CHST9: variants seen among roughly 807,000 people sequenced by gnomAD.
The protein encoded by CHST9 is carbohydrate sulfotransferase 9.
In CHST9, 41 loss-of-function variants were observed where a neutral mutation model predicts 44.4. The observed-to-expected ratio is 0.92, with a 90% CI of 0.72 to 1.20. CHST9 has a LOEUF of 1.20. CHST9 is among the 50% of genes most tolerant of loss of function. The pLI, the probability that CHST9 is intolerant of heterozygous loss-of-function variation, is 0.00. For synonymous variants in CHST9, 171 were observed against 178.4 expected (o/e 0.96, Z 0.33); for missense variants, 504 against 516.5 (o/e 0.98, Z 0.23).
intron 1 of CHST9, among the ~76,000 whole-genome samples, chr18:27,162,813 G>A (rs943724335): frequency 2.6e-5 from 4 of 152,148 alleles, no homozygotes; most frequent in Admixed American, 1.3e-4. Flanking sequence ...CTCTCAAGTC[G>A]TCAAAGTCAT....
intron 2 of CHST9, among the ~76,000 whole-genome samples, chr18:27,123,055 G>A (rs1460485119): frequency 6.6e-6 from 1 of 152,154 alleles, no homozygotes; most frequent in Non-Finnish European, 1.5e-5. Flanking sequence ...TTCCCTCTCT[G>A]AAATATATAT....
At chr18:27,181,911 T>C (rs1380745322) in intron 1 of CHST9, among the ~76,000 whole-genome samples, 2 of 152,216 alleles carry the variant, frequency 1.3e-5, no homozygotes, top group African/African-American at 4.8e-5. Context: ...CTGGGCAGTC[T>C]GCCCATCTTC....
intron 4 of CHST9, among the ~76,000 whole-genome samples, chr18:26,945,665 C>T (rs1053604057): frequency 3.3e-5 from 5 of 152,048 alleles, no homozygotes; most frequent in African/African-American, 1.2e-4. Flanking sequence ...GCCATTTACT[C>T]GTTGAAGGAT....
intron 5 of CHST9, among the ~76,000 whole-genome samples, chr18:26,943,528 A>C (rs1291578729): frequency 4.6e-5 from 7 of 152,344 alleles, no homozygotes; most frequent in Admixed American, 3.9e-4. Context: ...ATTGAAAGGA[A>C]AAAAGAAGGA....
At chr18:26,918,917 T>G (rs183797451) in intron 5 of CHST9, among the ~76,000 whole-genome samples, 390 of 152,142 alleles carry the variant, frequency 2.6e-3, no homozygotes, top group South Asian at 7.1e-3. Flanking sequence ...CTGGGTAATT[T>G]ATAAAGAAAA....
chr18:27,055,629 T>C (rs966724613), intron 2 of CHST9, among the ~76,000 whole-genome samples: 2 of 152,186 alleles, frequency 1.3e-5, no homozygotes, highest in Non-Finnish European at 2.9e-5. Flanking sequence ...AGTAAAAAAA[T>C]GCCTTTATCA....
chr18:27,075,688 CACATACTCCCAGATGT>C (rs149402437), intron 2 of CHST9, among the ~76,000 whole-genome samples: 6,805 of 148,474 alleles, frequency 0.046, 468 homozygotes, highest in African/African-American at 0.15. Context: ...CTCTTCCACA[CACATACTCCCAGATGT>C]GCAAAACTTC....
intron 4 of CHST9, among the ~76,000 whole-genome samples, chr18:26,946,870 G>A (rs1002202961): frequency 6.6e-6 from 1 of 151,908 alleles, no homozygotes; most frequent in African/African-American, 2.4e-5. Context: ...CTGTTCTGTT[G>A]GTCTATATAT....
At chr18:27,081,459 C>T (rs1418717222) in intron 2 of CHST9, among the ~76,000 whole-genome samples, 1 of 152,184 alleles carries the variant, frequency 6.6e-6, no homozygotes, top group Non-Finnish European at 1.5e-5. Context: ...AAGTGCTCCC[C>T]TCTCTGAGCT....
chr18:27,029,345 T>G (rs2057316473), intron 3 of CHST9, among the ~76,000 whole-genome samples: 1 of 152,166 alleles, frequency 6.6e-6, no homozygotes, highest in African/African-American at 2.4e-5. Flanking sequence ...GAACTGGTTT[T>G]TCTAACTCTA....
intron 2 of CHST9, among the ~76,000 whole-genome samples, chr18:27,078,337 TA>T (rs1317378778): frequency 4.6e-5 from 7 of 152,156 alleles, no homozygotes; most frequent in Non-Finnish European, 7.4e-5. Context: ...AGTCCCTCTA[TA>T]AAATGCTTCA....
intron 5 of CHST9, among the ~76,000 whole-genome samples, chr18:26,927,358 A>T (rs539198317): frequency 6.5e-4 from 99 of 152,122 alleles, no homozygotes; most frequent in African/African-American, 2.4e-3. Context: ...AAAGAAAGAG[A>T]TACAGAGACA....
intron 4 of CHST9, among the ~76,000 whole-genome samples, chr18:26,972,856 G>C (rs1304242145): frequency 6.6e-6 from 1 of 152,100 alleles, no homozygotes; most frequent in Non-Finnish European, 1.5e-5. Flanking sequence ...TGCAGTTTTG[G>C]CTTCCAACAC....
At chr18:27,003,051 TAAC>T (rs1184791728) in intron 4 of CHST9, among the ~76,000 whole-genome samples, 3 of 152,174 alleles carry the variant, frequency 2.0e-5, no homozygotes, top group Admixed American at 6.6e-5. Flanking sequence ...TTAAAAAAGT[TAAC>T]AGTATCCTGA....
At chr18:27,084,844 G>A (rs1189493894) in intron 2 of CHST9, among the ~76,000 whole-genome samples, 1 of 151,902 alleles carries the variant, frequency 6.6e-6, no homozygotes, top group Admixed American at 6.6e-5. Context: ...ATACTAGTAT[G>A]CTGTATCTCT....
At chr18:27,177,847 T>C (rs1213820807) in intron 1 of CHST9, among the ~76,000 whole-genome samples, 2 of 152,024 alleles carry the variant, frequency 1.3e-5, no homozygotes. Context: ...AATCTTTCCC[T>C]CTATTCCATA....
At chr18:26,941,304 G>A (rs1361256163) in intron 5 of CHST9, among the ~76,000 whole-genome samples, 1 of 152,052 alleles carries the variant, frequency 6.6e-6, no homozygotes, top group Non-Finnish European at 1.5e-5. Context: ...GTTCCTCTTT[G>A]TTATCTAGCT....
chr18:27,161,885 T>A (rs1035677864), intron 1 of CHST9, among the ~76,000 whole-genome samples: 15 of 152,006 alleles, frequency 9.9e-5, no homozygotes, highest in Admixed American at 7.2e-4. Flanking sequence ...TCTCTTTTGA[T>A]CTTTGTTGGT....
chr18:26,941,037 A>G (rs1341769052), intron 5 of CHST9, among the ~76,000 whole-genome samples: 1 of 152,178 alleles, frequency 6.6e-6, no homozygotes, highest in East Asian at 1.9e-4. Context: ...CAGGTTTCAG[A>G]GAGACTATGG....
Sources: allele counts gnomAD v4.1 joint callset (sites outside exome capture counted in the v4.1 genomes callset), GRCh38; gene constraint gnomAD v4.1.1; transcripts MANE v1.5; gene names NCBI Gene and HGNC (gene_info 2026-07-23, HGNC 2026-07-21).